The following ESRRG variants were observed in gnomAD, a reference collection of about 807,000 sequenced individuals.
ESRRG encodes the protein estrogen-related receptor gamma.
A neutral mutation model predicts 44.0 loss-of-function variants in ESRRG; 13 were observed. The observed-to-expected ratio is 0.30, with a 90% confidence interval of 0.19 to 0.47. The LOEUF is 0.47. ESRRG is among the 20% of genes least tolerant of loss of function. The pLI, the probability that ESRRG is intolerant of heterozygous loss-of-function variation, is 1.00. For synonymous variants in ESRRG, 215 were observed against 214.6 expected, an observed-to-expected ratio of 1.00 and a Z score of -0.02; for missense variants, 395 against 580.6, an observed-to-expected ratio of 0.68 and a Z score of 3.29.
At chr1:216,781,015 A>G (rs888520569) in intron 2 of ESRRG, among the ~76,000 whole-genome samples, 8 of 152,208 alleles carry the variant, frequency 5.3e-5, no homozygotes, top group Admixed American at 3.3e-4. Flanking sequence ...ATTTTGTGGT[A>G]TCATTTAATA....
At chr1:216,640,476 C>G (rs1022359060) in intron 3 of ESRRG, among the ~76,000 whole-genome samples, 1 of 132,864 alleles carries the variant, frequency 7.5e-6, no homozygotes, top group Non-Finnish European at 1.6e-5. Context: ...GCTCCTCAAC[C>G]TACTAAGTGA....
At chr1:216,697,371 T>C (rs2080388208) in intron 1 of ESRRG, among the ~76,000 whole-genome samples, 1 of 152,228 alleles carries the variant, frequency 6.6e-6, no homozygotes, top group Non-Finnish European at 1.5e-5. Context: ...AGTTATTCAA[T>C]TTGTGAGATT....
At chr1:216,904,897 C>T (rs1353195553) in intron 2 of ESRRG, among the ~76,000 whole-genome samples, 2 of 152,098 alleles carry the variant, frequency 1.3e-5, no homozygotes, top group East Asian at 1.9e-4. Context: ...TTCTGAACTG[C>T]CCAAGGAAAA....
At chr1:216,632,450 G>C (rs1279352653) in intron 3 of ESRRG, among the ~76,000 whole-genome samples, 2 of 152,040 alleles carry the variant, frequency 1.3e-5, no homozygotes, top group African/African-American at 2.4e-5. Flanking sequence ...TAAGCCAAAA[G>C]GACTTATTAA....
At chr1:216,713,766 T>C (rs954080789) in intron 1 of ESRRG, among the ~76,000 whole-genome samples, 3 of 152,128 alleles carry the variant, frequency 2.0e-5, no homozygotes, top group Admixed American at 6.5e-5. Flanking sequence ...TTAACTTGAA[T>C]GAAAAAAGGC....
chr1:216,836,679 A>G (rs1263934511), intron 2 of ESRRG, among the ~76,000 whole-genome samples: 1 of 151,296 alleles, frequency 6.6e-6, no homozygotes, highest in African/African-American at 2.4e-5. Flanking sequence ...AATCATCAAT[A>G]TCAGCATCAA....
intron 3 of ESRRG, among the ~76,000 whole-genome samples, chr1:216,574,208 T>C (rs1485109805): frequency 1.3e-5 from 2 of 152,170 alleles, no homozygotes; most frequent in Non-Finnish European, 2.9e-5. Flanking sequence ...TTTTAATAGC[T>C]GGCATTACCT....
chr1:216,816,810 C>T (rs1192331551), intron 2 of ESRRG, among the ~76,000 whole-genome samples: 1 of 152,052 alleles, frequency 6.6e-6, no homozygotes, highest in African/African-American at 2.4e-5. Flanking sequence ...TCAAAGAAGG[C>T]AAACATTGAA....
At chr1:216,532,464 A>G (rs1402284980) in intron 5 of ESRRG, among the ~76,000 whole-genome samples, 2 of 152,350 alleles carry the variant, frequency 1.3e-5, no homozygotes, top group East Asian at 3.9e-4. Flanking sequence ...ATCAATATTT[A>G]CATTTTAATT....
Position 216,989,332 on chromosome 1 carries a change from G to A in ESRRG, c.-105-49659C>T, listed in dbSNP as rs1311379259. ...CCAGTCATGGTGGCACGTACCTGTAGTCCCAGCTACTCAGGAGGCTGAAGT... is the reference window on the plus strand; with the variant it reads ...CCAGTCATGGTGGCACGTACCTGTAATCCCAGCTACTCAGGAGGCTGAAGT... On this transcript the variant is annotated intron_variant, in intron 1 of 7. Coordinates refer to the ESRRG transcript ENST00000359162. Among the ~76,000 whole-genome samples, 3 of 149,006 alleles carry A rather than the reference G, an allele frequency of 2.0e-5. No individual in the cohort carries two copies. The Admixed American group carries it at 2.0e-4, about 10-fold the overall frequency.
chr1:217,000,347 G>C (rs1012229488), intron 1 of ESRRG: 9 of 152,182 alleles, frequency 5.9e-5, no homozygotes, highest in Non-Finnish European at 1.2e-4. Context: ...ATCTGTGCTA[G>C]CTTTTAGCAG....
chr1:216,724,383 G>A (rs532870892), upstream of ESRRG, among the ~76,000 whole-genome samples: 56 of 149,108 alleles, frequency 3.8e-4, no homozygotes, highest in South Asian at 4.4e-3. Context: ...TTTTTGTAGG[G>A]AGAGCATTAC....
chr1:216,815,774 C>T (rs1318840067), intron 2 of ESRRG, among the ~76,000 whole-genome samples: 1 of 152,212 alleles, frequency 6.6e-6, no homozygotes, highest in African/African-American at 2.4e-5. Flanking sequence ...AAAGCACATG[C>T]TCCCTGGCTA....
chr1:216,603,120 A>G (rs2059461253), intron 3 of ESRRG, among the ~76,000 whole-genome samples: 1 of 152,202 alleles, frequency 6.6e-6, no homozygotes, highest in Admixed American at 6.5e-5. Flanking sequence ...TTTATATTTG[A>G]TATTACAAAA....
At chr1:216,824,022 T>G (rs1238470545) in intron 2 of ESRRG, among the ~76,000 whole-genome samples, 1 of 152,198 alleles carries the variant, frequency 6.6e-6, no homozygotes, top group African/African-American at 2.4e-5. Flanking sequence ...TCTTTTTTTC[T>G]GATATAATCA....
chr1:216,757,375 G>C (rs1031829339), intron 2 of ESRRG, among the ~76,000 whole-genome samples: 1 of 151,964 alleles, frequency 6.6e-6, no homozygotes, highest in Non-Finnish European at 1.5e-5. Flanking sequence ...AAAAGCCCAT[G>C]TTTCAAAACA....
chr1:216,678,144 A>T (rs1051678578), intron 1 of ESRRG, among the ~76,000 whole-genome samples: 2 of 152,204 alleles, frequency 1.3e-5, no homozygotes, highest in African/African-American at 4.8e-5. Context: ...AAATTGCTCT[A>T]TTTCATAGCC....
rs12082817 is a variant in ESRRG, at chr1:217,109,983, T to A, written c.-230+27684A>T. Among the ~76,000 whole-genome samples, 776 of 152,252 alleles carry A rather than the reference T, an allele frequency of 5.1e-3. 5 individuals carry two copies. Among genetic ancestry groups the A allele is most frequent in the African/African-American group, 0.018 (740 of 41,542 alleles). On this transcript the variant is annotated intron_variant, in intron 1 of 8. Coordinates refer to the ESRRG transcript ENST00000366940. ...GCCTCCTTAAGGGGTAAATCATCCC[T>A]GTTTATTTAGCTTCTAATTCTAAGC...
chr1:216,670,068 TAC>T (rs2074846698), intron 2 of ESRRG, among the ~76,000 whole-genome samples: 2 of 152,228 alleles, frequency 1.3e-5, no homozygotes, highest in Admixed American at 6.5e-5. Flanking sequence ...GTTTTAAAGC[TAC>T]CAATTACTAT....
Sources: gnomAD v4.1 joint callset for allele counts (sites outside exome capture counted in the v4.1 genomes callset) on GRCh38, gnomAD v4.1.1 for gene constraint, MANE v1.5 for transcripts, NCBI Gene and HGNC (gene_info 2026-07-23, HGNC 2026-07-21) for gene names.